POFUT1: variants seen among roughly 807,000 people sequenced by gnomAD.
POFUT1 encodes the protein protein O-fucosyltransferase 1, also known as GDP-fucose protein O-fucosyltransferase 1.
POFUT1 carries 16 observed loss-of-function variants against 42.4 expected under a neutral mutation model. The ratio of observed to expected loss-of-function variants is 0.38; its 90% CI spans 0.26 to 0.57. POFUT1 has a LOEUF of 0.57. POFUT1 is among the 20% of genes least tolerant of loss of function. The pLI is 0.71. For missense variants in POFUT1, 470 were observed against 504.6 expected (o/e 0.93, Z 0.66); for synonymous variants, 206 against 205.4 (o/e 1.00, Z -0.03).
Position 32,235,572 on chromosome 20 carries a change from C to CACGAGGGA in POFUT1, c.*915_*922dup, listed in dbSNP as rs2047465751. The CACGAGGGA allele has an allele frequency of 6.6e-6, 1 of 152,288 alleles. No homozygotes were observed. The highest frequency in any genetic ancestry group is 6.5e-5 in the Admixed American group (1 of 15,286). The allele number at this position is 152,288 out of a possible 1,614,324, so 9.4% of individuals were successfully genotyped here. Reference sequence around the variant, plus strand: ...AGCTGGAGCCTTCAGGCCGTATTCTCACGAGGGAACGTTTGCCAAGGCTCT... The same window carrying CACGAGGGA: ...AGCTGGAGCCTTCAGGCCGTATTCTCACGAGGGAACGAGGGAACGTTTGCCAAGGCTCT... On this transcript the variant is annotated 3_prime_UTR_variant, in exon 7 of 7. Transcript: ENST00000375749.
Position 32,237,179 on chromosome 20 carries a change from A to G in POFUT1, c.*2518A>G, listed in dbSNP as rs1025080365. ...CCCCGTTGGATGGTTGCTCAGTACAACAGTCTTGCATTCAGCAGGTGTTTG... is the reference window on the plus strand; with the variant it reads ...CCCCGTTGGATGGTTGCTCAGTACAGCAGTCTTGCATTCAGCAGGTGTTTG... On this transcript the variant is annotated 3_prime_UTR_variant, in exon 7 of 7. Transcript: ENST00000375749. The G allele has an allele frequency of 2.6e-5, 4 of 152,614 alleles. No homozygotes were observed. Among genetic ancestry groups the G allele is most frequent in the Non-Finnish European group, 5.9e-5 (4 of 68,358 alleles). The allele number at this position is 152,614 out of a possible 1,614,324, so 9.5% of individuals were successfully genotyped here. A position where few individuals can be genotyped will look rare whatever the true frequency, so the allele number is the denominator to read the frequency against.
intron 1 of POFUT1, among the ~76,000 whole-genome samples, chr20:32,208,389 C>T (rs2047305961): frequency 6.6e-6 from 1 of 152,076 alleles, no homozygotes; most frequent in Admixed American, 6.6e-5. Context: ...GGTGATTTTT[C>T]ATTGATTCAG....
At position 32,235,745 on chromosome 20, in the gene POFUT1, C is replaced by A. The variant is rs556722172; in HGVS notation, c.*1084C>A. On this transcript the variant is annotated 3_prime_UTR_variant, in exon 7 of 7. Coordinates refer to ENST00000375749, the MANE Select transcript of POFUT1 (RefSeq NM_015352.2). ...ATGAGTGTTTTGGTCTCAAATGCTG[C>A]AGTTTTAATAATCTGTGACTCCTGA... 11 of 152,338 alleles carry A rather than the reference C, an allele frequency of 7.2e-5. No individual in the cohort carries two copies. Among genetic ancestry groups the A allele is most frequent in the African/African-American group, 2.6e-4 (11 of 41,582 alleles). 9.4% of individuals were successfully genotyped at this position (152,338 alleles called of 1,614,324 possible).
intron 4 of POFUT1, among the ~76,000 whole-genome samples, chr20:32,226,363 C>T (rs1268368583): frequency 6.6e-6 from 1 of 152,072 alleles, no homozygotes; most frequent in Non-Finnish European, 1.5e-5. Flanking sequence ...AACTATAGTA[C>T]AGTATCACAA....
intron 4 of POFUT1, among the ~76,000 whole-genome samples, chr20:32,225,158 C>T (rs569425882): frequency 6.6e-6 from 1 of 152,166 alleles, no homozygotes; most frequent in East Asian, 1.9e-4. Context: ...TATTGTATAT[C>T]GTAAATATAT....
chr20:32,215,234 C>T (rs771703245), intron 2 of POFUT1, 35 bp from the exon 3 acceptor site: 6 of 1,570,764 alleles, frequency 3.8e-6, no homozygotes, highest in Middle Eastern at 1.7e-4. Context: ...CACGGGGGCA[C>T]TGAGACGGGA....
chr20:32,226,992 A>G (rs557141798), intron 4 of POFUT1, among the ~76,000 whole-genome samples: 2 of 152,314 alleles, frequency 1.3e-5, no homozygotes, highest in Admixed American at 6.5e-5. Context: ...ATGTAACTGC[A>G]TGCCTAACTG....
chr20:32,228,802 A>G (rs1420199407), intron 5 of POFUT1, among the ~76,000 whole-genome samples: 2 of 152,152 alleles, frequency 1.3e-5, no homozygotes, highest in African/African-American at 4.8e-5. Flanking sequence ...CGTGTTGAAA[A>G]ACTGACTGTG....
At chr20:32,211,880 A>G (rs552451158) in intron 2 of POFUT1, among the ~76,000 whole-genome samples, 1 of 152,192 alleles carries the variant, frequency 6.6e-6, no homozygotes, top group East Asian at 1.9e-4. Context: ...CCCTGCTACA[A>G]TCTAACCTCT....
intron 3 of POFUT1, among the ~76,000 whole-genome samples, chr20:32,215,887 A>G (rs2047357448): frequency 6.6e-6 from 1 of 152,202 alleles, no homozygotes; most frequent in Non-Finnish European, 1.5e-5. Context: ...CTTCATAGAG[A>G]GGACACCGAG....
chr20:32,213,876 T>C (rs894505572), intron 2 of POFUT1, among the ~76,000 whole-genome samples: 10 of 152,244 alleles, frequency 6.6e-5, no homozygotes, highest in African/African-American at 2.2e-4. Context: ...CTTCTCTTTT[T>C]GTTAATAAAA....
At chr20:32,222,199 A>G (rs1474473245) in intron 4 of POFUT1, among the ~76,000 whole-genome samples, 1 of 152,232 alleles carries the variant, frequency 6.6e-6, no homozygotes, top group African/African-American at 2.4e-5. Context: ...GCTACTCAGG[A>G]GGCCAAGGCA....
In POFUT1 at chr20:32,234,465, TC is replaced by T; in HGVS notation, c.979-6del. On this transcript the variant is annotated splice_polypyrimidine_tract_variant and splice_region_variant and intron_variant, in intron 6 of 6. Transcript: ENST00000375749. The stretch of plus-strand genomic sequence containing the variant: ...CCCAGCTTATATGCTCTGTGCTTCT[TC>T]CTGCAGGTGAAGGTGGTGAGCCTGA... The T allele has an allele frequency of 1.3e-6, 2 of 1,596,352 alleles. No individual in the cohort carries two copies. The highest frequency in any genetic ancestry group is 2.2e-5 in the East Asian group (1 of 44,716).
chr20:32,214,239 C>G (rs1325768023), intron 2 of POFUT1, among the ~76,000 whole-genome samples: 1 of 152,182 alleles, frequency 6.6e-6, no homozygotes, highest in Non-Finnish European at 1.5e-5. Context: ...ATCCTTCCAT[C>G]TCAGCCTCCC....
At chr20:32,209,778 A>T (rs1186776017) in intron 1 of POFUT1, among the ~76,000 whole-genome samples, 1 of 152,148 alleles carries the variant, frequency 6.6e-6, no homozygotes, top group African/African-American at 2.4e-5. Flanking sequence ...TAGAGGTAGA[A>T]GCTCTTCTGG....
Position 32,235,886 on chromosome 20 carries a change from C to T in POFUT1, c.*1225C>T, listed in dbSNP as rs932291056. The T allele has an allele frequency of 5.3e-5, 8 of 152,236 alleles. No homozygotes were observed. Among genetic ancestry groups the T allele is most frequent in the African/African-American group, 1.9e-4 (8 of 41,442 alleles). 9.4% of individuals were successfully genotyped at this position (152,236 alleles called of 1,614,324 possible). A position where few individuals can be genotyped will look rare whatever the true frequency, so the allele number is the denominator to read the frequency against. On this transcript the variant is annotated 3_prime_UTR_variant, in exon 7 of 7. Coordinates refer to ENST00000375749, the MANE Select transcript of POFUT1 (RefSeq NM_015352.2). ...GATCCTGGAAAGGTGGCAGAGCCTC[C>T]ACTGAGCCAGGCCCAGAGCTCCTTG...
rs776256183 is a variant in POFUT1 at position 32,232,288 on chromosome 20, G to A, written c.978+1227G>A. Among the ~76,000 whole-genome samples the A allele has an allele frequency of 3.3e-5, 5 of 151,476 alleles. No individual in the cohort carries two copies. In the East Asian group the frequency reaches 5.8e-4, roughly 18 times the overall value. ...CGAGACCAGCCTGGCCTAACATAGC[G>A]AGACCCCCATCTCTATTTAAAAAAA... On this transcript the variant is annotated intron_variant, in intron 6 of 6. Coordinates refer to ENST00000375749, the MANE Select transcript of POFUT1 (RefSeq NM_015352.2).
At chr20:32,231,462 G>A (rs1248674593) in intron 6 of POFUT1, 1 of 273,590 alleles carries the variant, frequency 3.7e-6, no homozygotes, top group Non-Finnish European at 7.2e-6. Flanking sequence ...CTTTGGGACT[G>A]AAACCCTGCC....
At chr20:32,210,694 C>A (rs1228337396) in intron 2 of POFUT1, among the ~76,000 whole-genome samples, 2 of 152,218 alleles carry the variant, frequency 1.3e-5, no homozygotes, top group East Asian at 3.8e-4. Flanking sequence ...TTCAGTGCTG[C>A]CTCTCACCCC....
Sources: allele counts gnomAD v4.1 joint callset (sites outside exome capture counted in the v4.1 genomes callset), GRCh38; gene constraint gnomAD v4.1.1; transcripts MANE v1.5; gene names NCBI Gene and HGNC (gene_info 2026-07-23, HGNC 2026-07-21).